Variants in RHPN2 observed in about 807,000 individuals in gnomAD.
RHPN2 encodes the protein rhophilin-2.
In RHPN2, 40 loss-of-function variants were observed where a neutral mutation model predicts 79.0. The ratio of observed to expected loss-of-function variants is 0.51; its 90% confidence interval spans 0.39 to 0.66. The LOEUF is 0.66. RHPN2 is among the 30% of genes least tolerant of loss of function. The pLI is 0.00. For synonymous variants in RHPN2, 285 were observed against 363.5 expected, an observed-to-expected ratio of 0.78 and a Z score of 2.46; for missense variants, 686 against 883.5, an observed-to-expected ratio of 0.78 and a Z score of 2.83.
rs757134070 is a variant in RHPN2 at position 32,990,656 on chromosome 19, C to T, written c.1658G>A (p.Arg553Gln). The change falls in exon 14 of 15, where the codon CGG (arginine) becomes CAG (glutamine). Residue 553 changes from arginine (R) to glutamine (Q), a missense_variant. By Grantham distance (43) the Arg-to-Gln change is conservative. Coordinates refer to ENST00000254260, the MANE Select transcript of RHPN2 (RefSeq NM_033103.5). ...AATGGAGACAATATAATCTCCTTCC[C>T]GGGCTCCTGCCACCTGAAAAAGTAT... ...PYCSASVAGAREGDYIVSIQL... is the reference protein window; with the variant it reads ...PYCSASVAGAQEGDYIVSIQL... 4.3e-6 allele frequency: 7 copies of T among 1,613,812 alleles called. No individual in the cohort carries two copies. The highest frequency in any genetic ancestry group is 2.2e-5 in the South Asian group (2 of 91,078).
In RHPN2 at chr19:33,059,597, C is replaced by A. The variant is rs147120368; in HGVS notation, c.69+5187G>T. 3.3e-4 allele frequency among the ~76,000 whole-genome samples: 50 copies of A among 152,162 alleles called. 1 individual carries two copies. In the Middle Eastern group the frequency reaches 0.01, roughly 31 times the overall value. On this transcript the variant is annotated intron_variant, in intron 1 of 14. Coordinates refer to ENST00000254260, the MANE Select transcript of RHPN2 (RefSeq NM_033103.5). ...CTACAGTGTGAGCCACTGTGCCCTG[C>A]CACACCTTTGTCTTTAACCAGCTCT...
intron 14 of RHPN2, among the ~76,000 whole-genome samples, chr19:32,981,634 C>T (rs1971575775): frequency 6.6e-6 from 1 of 151,326 alleles, no homozygotes; most frequent in African/African-American, 2.4e-5. Context: ...AGTATATTAC[C>T]ATTCATTTTC....
At chr19:33,060,223 T>C (rs984079559) in intron 1 of RHPN2, among the ~76,000 whole-genome samples, 2 of 152,300 alleles carry the variant, frequency 1.3e-5, no homozygotes, top group African/African-American at 4.8e-5. Context: ...CTCGGCTCAC[T>C]GCAGCCTCCA....
chr19:33,031,116 C>A (rs1972006887), intron 2 of RHPN2, among the ~76,000 whole-genome samples: 1 of 152,142 alleles, frequency 6.6e-6, no homozygotes, highest in African/African-American at 2.4e-5. Context: ...GGGAGAGGGG[C>A]AGGGCTTCCA....
chr19:33,035,013 G>A (rs1250993713), intron 2 of RHPN2, among the ~76,000 whole-genome samples: 3 of 151,922 alleles, frequency 2.0e-5, no homozygotes, highest in East Asian at 1.9e-4. Flanking sequence ...TGTCACCCAC[G>A]CTGGAGTGCA....
intron 4 of RHPN2, among the ~76,000 whole-genome samples, chr19:33,021,111 A>G (rs372803424): frequency 1.3e-5 from 2 of 152,190 alleles, no homozygotes; most frequent in East Asian, 3.9e-4. Context: ...AAGCATGTCC[A>G]CTACAGACCC....
At chr19:33,059,262 T>C (rs1436605521) in intron 1 of RHPN2, among the ~76,000 whole-genome samples, 2 of 150,184 alleles carry the variant, frequency 1.3e-5, no homozygotes, top group Non-Finnish European at 3.0e-5. Context: ...CTCCAGCCAT[T>C]CCCCACCCAA....
intron 4 of RHPN2, among the ~76,000 whole-genome samples, chr19:33,019,673 A>T (rs1181682573): frequency 6.6e-6 from 1 of 152,070 alleles, no homozygotes; most frequent in Non-Finnish European, 1.5e-5. Context: ...CTGAAGTGGG[A>T]GGATCACCTG....
intron 7 of RHPN2, among the ~76,000 whole-genome samples, chr19:33,004,854 T>C (rs532137498): frequency 2.0e-4 from 31 of 151,982 alleles, no homozygotes; most frequent in African/African-American, 7.0e-4. Flanking sequence ...CTGAAAGTGC[T>C]GGGATAACAG....
chr19:33,012,529 C>A (rs531101524), intron 5 of RHPN2, 118 bp downstream of exon 5: 13 of 782,210 alleles, frequency 1.7e-5, no homozygotes, highest in African/African-American at 6.8e-5. Context: ...TTCCAGCACC[C>A]CCCAACCATC....
At chr19:33,002,737 G>T (rs1450356666) in intron 8 of RHPN2, 76 bp downstream of exon 8, 3 of 1,525,548 alleles carry the variant, frequency 2.0e-6, no homozygotes, top group East Asian at 2.3e-5. Context: ...CCATGGGAAG[G>T]CCCCGCTACT....
At chr19:33,035,406 A>C (rs945232428) in intron 2 of RHPN2, among the ~76,000 whole-genome samples, 2 of 152,160 alleles carry the variant, frequency 1.3e-5, no homozygotes, top group Non-Finnish European at 2.9e-5. Context: ...CTGGCCTAAA[A>C]ATTTTTTTTA....
chr19:33,052,775 T>C (rs1174401571), intron 1 of RHPN2, among the ~76,000 whole-genome samples: 1 of 152,128 alleles, frequency 6.6e-6, no homozygotes, highest in Non-Finnish European at 1.5e-5. Flanking sequence ...CCAGGATCTC[T>C]GCCAGGTGTC....
At position 32,979,757 on chromosome 19, in the gene RHPN2, T is replaced by G. The variant is rs1971558140; in HGVS notation, c.*239A>C. On this transcript the variant is annotated 3_prime_UTR_variant, in exon 15 of 15. Transcript: ENST00000254260. ...TCAACACTATTCTATTTACAATACT[T>G]TATATAATAAATAACTTACAGCAGT... 2 of 529,794 alleles carry G rather than the reference T, an allele frequency of 3.8e-6. No individual in the cohort carries two copies. Among genetic ancestry groups the G allele is most frequent in the Non-Finnish European group, 6.7e-6 (2 of 298,042 alleles). The allele number at this position is 529,794 out of a possible 1,614,324, so 32.8% of individuals were successfully genotyped here.
intron 6 of RHPN2, among the ~76,000 whole-genome samples, chr19:33,011,363 G>A (rs1451690282): frequency 6.6e-6 from 1 of 151,944 alleles, no homozygotes; most frequent in Non-Finnish European, 1.5e-5. Context: ...TAAGAATCTC[G>A]CTTCTGGCTA....
At chr19:32,982,759 C>G (rs1012616369) in intron 14 of RHPN2, among the ~76,000 whole-genome samples, 3 of 152,062 alleles carry the variant, frequency 2.0e-5, no homozygotes, top group African/African-American at 7.2e-5. Context: ...GGGCCTGTAT[C>G]TGAAAGGTTG....
intron 14 of RHPN2, among the ~76,000 whole-genome samples, chr19:32,981,969 A>G (rs1306382720): frequency 2.0e-5 from 3 of 152,078 alleles, no homozygotes; most frequent in South Asian, 4.1e-4. Flanking sequence ...AGACTTCCAC[A>G]TGGGCTATCA....
At chr19:33,064,664 GC>G in intron 1 of RHPN2, 119 bp downstream of exon 1, 1 of 1,044,264 alleles carries the variant, frequency 9.6e-7, no homozygotes, top group Non-Finnish European at 1.3e-6. Flanking sequence ...GGCCCAGTGC[GC>G]CCCCTCCCCC....
At chr19:32,985,282 C>T (rs1971605714) in intron 14 of RHPN2, among the ~76,000 whole-genome samples, 1 of 152,160 alleles carries the variant, frequency 6.6e-6, no homozygotes, top group East Asian at 1.9e-4. Flanking sequence ...CTATTGCACT[C>T]CAGCCTGGGC....
Sources: allele counts gnomAD v4.1 joint callset (sites outside exome capture counted in the v4.1 genomes callset), GRCh38; gene constraint gnomAD v4.1.1; transcripts MANE v1.5; gene names NCBI Gene and HGNC (gene_info 2026-07-23, HGNC 2026-07-21).